PAH: variants seen among roughly 807,000 people sequenced by gnomAD.
PAH encodes phenylalanine-4-hydroxylase.
A neutral mutation model predicts 62.0 loss-of-function variants in PAH; 64 were observed. The observed-to-expected ratio is 1.03, with a 90% CI of 0.84 to 1.27. The LOEUF (loss-of-function observed/expected upper bound fraction) is 1.27, where lower values mean the gene tolerates loss of function less well. PAH is among the 50% of genes most tolerant of loss of function. The probability of loss-of-function intolerance (pLI) is 0.00; values close to 1 mark genes in which losing one functional copy is unlikely to be tolerated. For synonymous variants in PAH, 195 were observed against 196.2 expected, an observed-to-expected ratio of 0.99 and a Z score of 0.05; for missense variants, 579 against 542.8, an observed-to-expected ratio of 1.07 and a Z score of -0.66.
intron 2 of PAH, among the ~76,000 whole-genome samples, chr12:102,910,402 G>A (rs1428959403): frequency 7.0e-6 from 1 of 143,180 alleles, no homozygotes; most frequent in African/African-American, 2.6e-5. Context: ...AGGGAGTCTT[G>A]CTCTGTCACC....
chr12:102,914,032 GT>G (rs1251996290), intron 1 of PAH: 1 of 538,506 alleles, frequency 1.9e-6, no homozygotes, highest in African/African-American at 1.9e-5. Flanking sequence ...AGAAGGCTGT[GT>G]TAGGAAACTC....
chr12:102,899,738 A>G (rs1436881596), intron 2 of PAH, among the ~76,000 whole-genome samples: 1 of 147,406 alleles, frequency 6.8e-6, no homozygotes, highest in Non-Finnish European at 1.5e-5. Context: ...GGGCGCCTGT[A>G]GTCCCAGCTA....
chr12:102,900,476 C>T (rs1030219728), intron 2 of PAH, among the ~76,000 whole-genome samples: 15 of 151,608 alleles, frequency 9.9e-5, no homozygotes, highest in African/African-American at 2.7e-4. Flanking sequence ...AAATTATGCC[C>T]GGGCTGACAA....
chr12:102,901,438 T>C (rs1290129109), intron 2 of PAH, among the ~76,000 whole-genome samples: 1 of 152,218 alleles, frequency 6.6e-6, no homozygotes, highest in African/African-American at 2.4e-5. Flanking sequence ...CTAATAATTT[T>C]TGTCTTCATT....
At chr12:102,927,282 T>C (rs1456155054) in intron 1 of PAH, among the ~76,000 whole-genome samples, 1 of 93,964 alleles carries the variant, frequency 1.1e-5, no homozygotes, top group Non-Finnish European at 2.2e-5. Context: ...TCAAAAAAGT[T>C]TTTTTTTTTT....
chr12:102,844,570 G>A (rs1874748382), intron 9 of PAH, 139 bp from the exon 10 acceptor site: 1 of 709,224 alleles, frequency 1.4e-6, no homozygotes, highest in Middle Eastern at 3.6e-4. Context: ...TGTTTCTGGA[G>A]GGGATTGGCA....
At chr12:102,943,476 G>C (rs1216583402) in intron 1 of PAH, among the ~76,000 whole-genome samples, 1 of 152,146 alleles carries the variant, frequency 6.6e-6, no homozygotes, top group East Asian at 1.9e-4. Flanking sequence ...TGGTGGGAAA[G>C]TAAATTAGTT....
intron 3 of PAH, among the ~76,000 whole-genome samples, chr12:102,879,059 C>A (rs534004498): frequency 6.6e-6 from 1 of 152,094 alleles, no homozygotes; most frequent in Non-Finnish European, 1.5e-5. Flanking sequence ...AATCAGCATG[C>A]GGTCTGGCTT....
intron 4 of PAH, among the ~76,000 whole-genome samples, chr12:102,868,165 T>C (rs935855533): frequency 1.2e-4 from 1 of 8,446 alleles, no homozygotes; most frequent in Non-Finnish European, 2.0e-4. Flanking sequence ...CACATATATA[T>C]ACATATATGT....
Position 102,866,628 on chromosome 12 carries a change from C to G in PAH, c.477G>C (p.Lys159Asn). The change falls in exon 5 of 13, where the codon AAG becomes AAC. Residue 159 changes from lysine to asparagine, a missense_variant. Coordinates refer to ENST00000553106, the MANE Select transcript of PAH (RefSeq NM_000277.3). ...FKDPVYRARR[K>N]QFADIAYNYR... is the part of the protein sequence containing the mutation. ...AGTTGTAGGCAATGTCAGCAAACTGCTTCCGTCTTGCACGGTACACAGGAT... is the reference window on the plus strand; with the variant it reads ...AGTTGTAGGCAATGTCAGCAAACTGGTTCCGTCTTGCACGGTACACAGGAT... The G allele has an allele frequency of 6.2e-7, 1 of 1,613,854 alleles. No homozygotes were observed. Among genetic ancestry groups the G allele is most frequent in the Non-Finnish European group, 8.5e-7 (1 of 1,179,792 alleles).
chr12:102,891,570 C>T (rs112608312), intron 3 of PAH, among the ~76,000 whole-genome samples: 1 of 152,186 alleles, frequency 6.6e-6, no homozygotes, highest in Non-Finnish European at 1.5e-5. Context: ...TAAACATGCT[C>T]TGCTCTGTTC....
chr12:102,900,377 A>T (rs1877704059), intron 2 of PAH, among the ~76,000 whole-genome samples: 1 of 152,106 alleles, frequency 6.6e-6, no homozygotes, highest in African/African-American at 2.4e-5. Context: ...ATAAAAACTT[A>T]ACTTTATCTG....
intron 5 of PAH, among the ~76,000 whole-genome samples, chr12:102,861,419 G>A (rs1479170656): frequency 6.6e-6 from 1 of 152,238 alleles, no homozygotes; most frequent in African/African-American, 2.4e-5. Flanking sequence ...GGAAGACAGT[G>A]TGGCAATTCC....
chr12:102,870,183 G>A (rs1876238383), intron 4 of PAH, among the ~76,000 whole-genome samples: 2 of 152,082 alleles, frequency 1.3e-5, no homozygotes, highest in African/African-American at 4.8e-5. Flanking sequence ...CTACATATAT[G>A]GAAAAGTCTT....
chr12:102,895,947 C>T (rs1877487918), intron 2 of PAH, among the ~76,000 whole-genome samples: 1 of 151,036 alleles, frequency 6.6e-6, no homozygotes, highest in Admixed American at 6.6e-5. Flanking sequence ...ATTTGTAACA[C>T]CCAACAGTGG....
intron 8 of PAH, among the ~76,000 whole-genome samples, chr12:102,848,586 C>T (rs1206654737): frequency 6.7e-6 from 1 of 148,340 alleles, no homozygotes; most frequent in Non-Finnish European, 1.5e-5. Flanking sequence ...GTAGACAGGA[C>T]ATCAGGAGAC....
intron 9 of PAH, among the ~76,000 whole-genome samples, chr12:102,844,842 A>G (rs1211681210): frequency 6.6e-6 from 1 of 152,138 alleles, no homozygotes; most frequent in Non-Finnish European, 1.5e-5. Context: ...TATACCATCA[A>G]CTTCCATGGT....
chr12:102,855,608 C>A (rs1198006138), intron 5 of PAH, among the ~76,000 whole-genome samples: 1 of 152,174 alleles, frequency 6.6e-6, no homozygotes, highest in Non-Finnish European at 1.5e-5. Flanking sequence ...GGTTTTTCTA[C>A]TCTTCTAATT....
intron 3 of PAH, among the ~76,000 whole-genome samples, chr12:102,881,791 C>T (rs1051823426): frequency 6.6e-6 from 1 of 152,142 alleles, no homozygotes; most frequent in Non-Finnish European, 1.5e-5. Flanking sequence ...GACAATATTT[C>T]TTTTTTCATG....
Sources: allele counts gnomAD v4.1 joint callset (sites outside exome capture counted in the v4.1 genomes callset), GRCh38; gene constraint gnomAD v4.1.1; transcripts MANE v1.5; gene names NCBI Gene and HGNC (gene_info 2026-07-23, HGNC 2026-07-21).